ZNF148: variants seen among roughly 807,000 people sequenced by gnomAD.
ZNF148 encodes Beta-Enolase Repressor Factor-1.
ZNF148 carries 7 observed loss-of-function variants against 67.7 expected under a neutral mutation model. The ratio of observed to expected loss-of-function variants is 0.10; its 90% CI spans 0.06 to 0.19. The LOEUF (loss-of-function observed/expected upper bound fraction) is 0.19, where lower values mean the gene tolerates loss of function less well. ZNF148 is among the 10% of genes least tolerant of loss of function. The probability of loss-of-function intolerance (pLI) is 1.00; values close to 1 mark genes in which losing one functional copy is unlikely to be tolerated. For synonymous variants in ZNF148, 333 were observed against 330.7 expected, an observed-to-expected ratio of 1.01 and a Z score of -0.08; for missense variants, 583 against 947.1, an observed-to-expected ratio of 0.62 and a Z score of 5.05.
At chr3:125,291,746 A>T (rs1189988850) in intron 4 of ZNF148, among the ~76,000 whole-genome samples, 2 of 152,192 alleles carry the variant, frequency 1.3e-5, no homozygotes, top group Non-Finnish European at 1.5e-5. Flanking sequence ...TTAAAAGAAT[A>T]ATCTGTAGTC....
Position 125,231,731 on chromosome 3 carries a change from G to C in ZNF148, c.*610C>G, listed in dbSNP as rs1262222610. 1.3e-5 allele frequency: 2 copies of C among 152,476 alleles called. No individual in the cohort carries two copies. The highest frequency in any genetic ancestry group is 2.9e-5 in the Non-Finnish European group (2 of 68,000). The allele number at this position is 152,476 out of a possible 1,614,324, so 9.4% of individuals were successfully genotyped here. A position where few individuals can be genotyped will look rare whatever the true frequency, so the allele number is the denominator to read the frequency against. ...TAGGCTTTTAAATAGTGGAGTCTTA[G>C]ACTATCAGATTTTTATTACTTTTTT... is the stretch of plus-strand genomic sequence containing the variant. On this transcript the variant is annotated 3_prime_UTR_variant, in exon 9 of 9. Coordinates refer to ENST00000360647, the MANE Select transcript of ZNF148 (RefSeq NM_021964.3).
Position 125,229,831 on chromosome 3 carries a change from G to A in ZNF148, c.*2510C>T, listed in dbSNP as rs924954756. 3.9e-5 allele frequency: 6 copies of A among 152,356 alleles called. No individual in the cohort carries two copies. Among genetic ancestry groups the A allele is most frequent in the African/African-American group, 1.4e-4 (6 of 41,448 alleles). The allele number at this position is 152,356 out of a possible 1,614,324, so 9.4% of individuals were successfully genotyped here. ...AACCAAAGTGGGGAAATCCAAAACT[G>A]TTGAGATGTTTGTCATATTATGATA... is the stretch of plus-strand genomic sequence containing the variant. On this transcript the variant is annotated 3_prime_UTR_variant, in exon 9 of 9. Coordinates refer to ENST00000360647, the MANE Select transcript of ZNF148 (RefSeq NM_021964.3).
At position 125,323,350 on chromosome 3, in the gene ZNF148, C is replaced by T. The variant is rs1035587210; in HGVS notation, c.-58G>A. 5.8e-6 allele frequency: 4 copies of T among 691,130 alleles called. No homozygotes were observed. The highest frequency in any genetic ancestry group is 1.0e-5 in the Non-Finnish European group (4 of 381,428). 42.8% of individuals were successfully genotyped at this position (691,130 alleles called of 1,614,324 possible). A position where few individuals can be genotyped will look rare whatever the true frequency, so the allele number is the denominator to read the frequency against. On this transcript the variant is annotated 5_prime_UTR_variant, in exon 3 of 9. Transcript: ENST00000360647. ...AACGAAGACTTCAAGGAAAGGAATGCTGTAGAGTTGAAAAAGAAATCATGG... is the reference window on the plus strand; with the variant it reads ...AACGAAGACTTCAAGGAAAGGAATGTTGTAGAGTTGAAAAAGAAATCATGG...
chr3:125,308,459 T>C (rs923529548), intron 4 of ZNF148, among the ~76,000 whole-genome samples: 1 of 151,456 alleles, frequency 6.6e-6, no homozygotes, highest in African/African-American at 2.4e-5. Flanking sequence ...TGTTTAGATG[T>C]TGGTTTGTCA....
chr3:125,307,508 G>C (rs1185886698), intron 4 of ZNF148, among the ~76,000 whole-genome samples: 2 of 152,122 alleles, frequency 1.3e-5, no homozygotes, highest in Non-Finnish European at 2.9e-5. Context: ...GTTTCACCTT[G>C]TTAGCCAGGA....
intron 2 of ZNF148, among the ~76,000 whole-genome samples, chr3:125,328,880 T>C (rs544300169): frequency 6.6e-6 from 1 of 152,166 alleles, no homozygotes. Context: ...AGAGATCCCC[T>C]CTCTCATAGA....
intron 6 of ZNF148, among the ~76,000 whole-genome samples, chr3:125,278,040 T>C (rs1938165838): frequency 6.6e-6 from 1 of 152,142 alleles, no homozygotes; most frequent in Non-Finnish European, 1.5e-5. Context: ...TTGATCTATA[T>C]ATTCAAGGGG....
At chr3:125,291,601 C>T (rs1253411355) in intron 4 of ZNF148, among the ~76,000 whole-genome samples, 1 of 152,168 alleles carries the variant, frequency 6.6e-6, no homozygotes, top group Admixed American at 6.6e-5. Flanking sequence ...TCTGCTGCTT[C>T]ACTATCTATT....
At position 125,277,784 on chromosome 3, in the gene ZNF148, T is replaced by C. The variant is rs187862668; in HGVS notation, c.609A>G (p.Gln203=). Residue 203 remains glutamine (Q), a synonymous_variant, in exon 7 of 9, where the codon CAA becomes CAG. Coordinates refer to ENST00000360647, the MANE Select transcript of ZNF148 (RefSeq NM_021964.3). ...ACTTCTGTATGAAACGCATGTCACA[T>C]TGACTACATTGAAATGGTTTTTCAC... is the stretch of plus-strand genomic sequence containing the variant. ...HTGEKPFQCS[Q]CDMRFIQKYL... 2.1e-4 allele frequency: 340 copies of C among 1,610,398 alleles called. 1 individual carries two copies. The highest frequency in any genetic ancestry group is 2.2e-5 in the South Asian group (2 of 90,288).
chr3:125,271,659 C>T (rs557931305), intron 7 of ZNF148, among the ~76,000 whole-genome samples: 2 of 152,306 alleles, frequency 1.3e-5, no homozygotes, highest in South Asian at 4.1e-4. Context: ...ACCCTCCTCA[C>T]AGGACTGCTG....
intron 7 of ZNF148, among the ~76,000 whole-genome samples, chr3:125,243,275 A>C (rs971972890): frequency 3.9e-5 from 6 of 151,998 alleles, no homozygotes; most frequent in Non-Finnish European, 5.9e-5. Context: ...CTTCTGTTAT[A>C]TCTTCTATTC....
chr3:125,357,535 A>T (rs2107773918), intron 1 of ZNF148, among the ~76,000 whole-genome samples: 1 of 152,002 alleles, frequency 6.6e-6, no homozygotes, highest in South Asian at 2.1e-4. Flanking sequence ...GCACGGACCC[A>T]GGCGGGCGGC....
chr3:125,309,564 A>C lies in ZNF148; in HGVS notation c.333+3744T>G, dbSNP rs1161118710. On this transcript the variant is annotated intron_variant, in intron 4 of 8. Coordinates refer to ENST00000360647, the MANE Select transcript of ZNF148 (RefSeq NM_021964.3). Reference sequence around the variant, plus strand: ...AATTAATTTGATATGCTTAAAGCATAAAATGGTGGCGAAAGGGGCTGAACT... The same window carrying C: ...AATTAATTTGATATGCTTAAAGCATCAAATGGTGGCGAAAGGGGCTGAACT... Among the ~76,000 whole-genome samples, 3 of 151,658 alleles carry C rather than the reference A, an allele frequency of 2.0e-5. No homozygotes were observed. In the East Asian group the frequency reaches 5.8e-4, roughly 29 times the overall value.
At chr3:125,297,214 T>A (rs1279666741) in intron 4 of ZNF148, among the ~76,000 whole-genome samples, 1 of 152,108 alleles carries the variant, frequency 6.6e-6, no homozygotes, top group African/African-American at 2.4e-5. Context: ...AGGAAATCTC[T>A]ATGGGTAAGT....
At chr3:125,264,681 A>C (rs1937490481) in intron 7 of ZNF148, among the ~76,000 whole-genome samples, 1 of 152,220 alleles carries the variant, frequency 6.6e-6, no homozygotes, top group Non-Finnish European at 1.5e-5. Flanking sequence ...AACAACTATT[A>C]AATTTCATCT....
At chr3:125,359,884 C>A (rs919919761) in intron 1 of ZNF148, among the ~76,000 whole-genome samples, 1 of 152,226 alleles carries the variant, frequency 6.6e-6, no homozygotes, top group Non-Finnish European at 1.5e-5. Flanking sequence ...GCAGCCCACC[C>A]GCCACCATGC....
At chr3:125,253,853 A>G (rs1014246418) in intron 7 of ZNF148, among the ~76,000 whole-genome samples, 2 of 152,164 alleles carry the variant, frequency 1.3e-5, no homozygotes, top group Non-Finnish European at 2.9e-5. Context: ...TGTTGATAAG[A>G]CAGAAATAGG....
At chr3:125,318,712 T>C (rs572352324) in intron 3 of ZNF148, among the ~76,000 whole-genome samples, 1 of 152,270 alleles carries the variant, frequency 6.6e-6, no homozygotes, top group South Asian at 2.1e-4. Flanking sequence ...CAAGGGCTAA[T>C]TCAGCTAAGA....
intron 3 of ZNF148, among the ~76,000 whole-genome samples, chr3:125,315,932 T>G (rs1364587640): frequency 6.6e-6 from 1 of 152,172 alleles, no homozygotes; most frequent in Non-Finnish European, 1.5e-5. Flanking sequence ...CATCCTATTG[T>G]GCTATCAAAT....
Sources: allele counts gnomAD v4.1 joint callset (sites outside exome capture counted in the v4.1 genomes callset), GRCh38; gene constraint gnomAD v4.1.1; transcripts MANE v1.5; gene names NCBI Gene and HGNC (gene_info 2026-07-23, HGNC 2026-07-21).